AFF3: variants seen among roughly 807,000 people sequenced by gnomAD.
AFF3 encodes AF4/FMR2 family member 3.
AFF3 carries 32 observed loss-of-function variants against 129.7 expected under a neutral mutation model. That is an observed-to-expected ratio of 0.25 (90% confidence interval 0.19 to 0.33). The LOEUF (loss-of-function observed/expected upper bound fraction) is 0.33, where lower values mean the gene tolerates loss of function less well. AFF3 is among the 10% of genes least tolerant of loss of function. The probability of loss-of-function intolerance (pLI) is 1.00; values close to 1 mark genes in which losing one functional copy is unlikely to be tolerated. For missense variants in AFF3, 1,373 were observed against 1,592.0 expected, an observed-to-expected ratio of 0.86 and a Z score of 2.34; for synonymous variants, 644 against 635.4, an observed-to-expected ratio of 1.01 and a Z score of -0.20.
chr2:99,851,789 T>G (rs959970425), intron 7 of AFF3, among the ~76,000 whole-genome samples: 1 of 152,206 alleles, frequency 6.6e-6, no homozygotes, highest in Non-Finnish European at 1.5e-5. Context: ...TCTGAGCTGA[T>G]AGATACAATT....
chr2:100,042,557 T>C (rs1685529221), intron 4 of AFF3, among the ~76,000 whole-genome samples: 1 of 152,120 alleles, frequency 6.6e-6, no homozygotes, highest in African/African-American at 2.4e-5. Flanking sequence ...GCCTACCCAC[T>C]GGGTGCTAAT....
chr2:100,030,028 C>T (rs1684364085), intron 4 of AFF3, among the ~76,000 whole-genome samples: 1 of 151,922 alleles, frequency 6.6e-6, no homozygotes, highest in Non-Finnish European at 1.5e-5. Flanking sequence ...GATCATGCCA[C>T]TGCACGCCAT....
At chr2:100,121,488 C>G (rs1469772967) in intron 2 of AFF3, among the ~76,000 whole-genome samples, 3 of 152,218 alleles carry the variant, frequency 2.0e-5, no homozygotes, top group African/African-American at 7.2e-5. Flanking sequence ...TAAACTAGCT[C>G]TGTACACTGC....
At chr2:99,589,853 G>A (rs955865454) in intron 15 of AFF3, among the ~76,000 whole-genome samples, 1 of 152,174 alleles carries the variant, frequency 6.6e-6, no homozygotes, top group African/African-American at 2.4e-5. Context: ...CAGGAAAAGA[G>A]TGATGTTATA....
At chr2:99,978,961 A>G (rs1220405900) in intron 7 of AFF3, among the ~76,000 whole-genome samples, 3 of 148,170 alleles carry the variant, frequency 2.0e-5, no homozygotes, top group Non-Finnish European at 4.6e-5. Context: ...CACATAAACT[A>G]AGACAGCAAC....
At chr2:100,126,714 A>C (rs1692207755) in intron 2 of AFF3, among the ~76,000 whole-genome samples, 1 of 152,246 alleles carries the variant, frequency 6.6e-6, no homozygotes. Flanking sequence ...ATTATTACAT[A>C]AGAAATGTAG....
intron 13 of AFF3, among the ~76,000 whole-genome samples, chr2:99,606,027 G>C (rs1198942221): frequency 6.6e-6 from 1 of 152,058 alleles, no homozygotes; most frequent in Non-Finnish European, 1.5e-5. Flanking sequence ...GAAAATTTTG[G>C]TGTGCCAATT....
At chr2:99,867,933 G>A (rs945030427) in intron 7 of AFF3, among the ~76,000 whole-genome samples, 11 of 152,174 alleles carry the variant, frequency 7.2e-5, no homozygotes, top group Middle Eastern at 3.2e-3. Flanking sequence ...TGGGCGAGGC[G>A]GGCACGTGGA....
At chr2:99,719,050 CTTTTTT>C (rs554515502) in intron 11 of AFF3, among the ~76,000 whole-genome samples, 3 of 108,184 alleles carry the variant, frequency 2.8e-5, no homozygotes, top group Admixed American at 1.0e-4. Flanking sequence ...CGCGCCCGGC[CTTTTTT>C]TTTTTTTTTT....
intron 7 of AFF3, among the ~76,000 whole-genome samples, chr2:99,841,123 A>G (rs1311660176): frequency 6.6e-6 from 1 of 152,230 alleles, no homozygotes; most frequent in East Asian, 1.9e-4. Flanking sequence ...CTTCGGGTTT[A>G]ATTCCTTAAA....
intron 11 of AFF3, among the ~76,000 whole-genome samples, chr2:99,694,672 C>T (rs1164100484): frequency 1.3e-5 from 2 of 151,838 alleles, no homozygotes; most frequent in African/African-American, 4.9e-5. Context: ...AAAAAGCCAA[C>T]AAAAACAAAA....
At chr2:99,850,271 G>C (rs1576182234) in intron 7 of AFF3, among the ~76,000 whole-genome samples, 1 of 152,174 alleles carries the variant, frequency 6.6e-6, no homozygotes, top group East Asian at 1.9e-4. Context: ...TCATAATTGT[G>C]TGTTTAATGT....
intron 9 of AFF3, among the ~76,000 whole-genome samples, chr2:99,747,877 A>C (rs6744510): frequency 0.86 from 130,560 of 152,152 alleles, 56,182 homozygotes; most frequent in South Asian, 0.93. Flanking sequence ...TTGGCTATAA[A>C]CCCAGTGTTC....
chr2:99,870,440 T>C (rs922691188), intron 7 of AFF3, among the ~76,000 whole-genome samples: 3 of 152,222 alleles, frequency 2.0e-5, no homozygotes, highest in African/African-American at 7.2e-5. Context: ...TCTTCCATCA[T>C]GTGTGAAACT....
chr2:99,661,521 T>A (rs1431089782), intron 12 of AFF3, among the ~76,000 whole-genome samples: 1 of 152,218 alleles, frequency 6.6e-6, no homozygotes, highest in Non-Finnish European at 1.5e-5. Flanking sequence ...CCATTTAGGG[T>A]CCTCAGGCTG....
At chr2:100,043,142 C>T (rs768091284) in intron 4 of AFF3, among the ~76,000 whole-genome samples, 1 of 151,944 alleles carries the variant, frequency 6.6e-6, no homozygotes, top group Admixed American at 6.6e-5. Context: ...GAAACTGGGA[C>T]GTGAAAATGC....
intron 24 of AFF3, among the ~76,000 whole-genome samples, chr2:99,552,203 T>C (rs1325329547): frequency 2.0e-5 from 3 of 152,046 alleles, no homozygotes; most frequent in South Asian, 2.1e-4. Context: ...CAGGACAACA[T>C]GGCAAAACCC....
intron 4 of AFF3, among the ~76,000 whole-genome samples, chr2:100,014,954 A>ATTTTTTTTTT (rs562822524): frequency 4.9e-4 from 59 of 121,636 alleles, no homozygotes; most frequent in East Asian, 1.4e-3. Context: ...CAGCCAGCTA[A>ATTTTTTTTTT]TTTTTTTTTT....
At chr2:99,847,061 G>A (rs1364639953) in intron 7 of AFF3, among the ~76,000 whole-genome samples, 1 of 152,150 alleles carries the variant, frequency 6.6e-6, no homozygotes. Context: ...TGGAAAACAT[G>A]AGTGAGAAAC....
Sources: gnomAD v4.1 joint callset for allele counts (sites outside exome capture counted in the v4.1 genomes callset) on GRCh38, gnomAD v4.1.1 for gene constraint, MANE v1.5 for transcripts, NCBI Gene and HGNC (gene_info 2026-07-23, HGNC 2026-07-21) for gene names.